Variants in SCAMP2 observed in about 807,000 individuals in gnomAD.
The protein encoded by SCAMP2 is secretory carrier membrane protein 2, also known as secretory carrier-associated membrane protein 2.
In SCAMP2, 25 loss-of-function variants were observed where a neutral mutation model predicts 44.1. That is an observed-to-expected ratio of 0.57 (90% CI 0.41 to 0.79). The LOEUF is 0.79. Among genes scored for constraint, SCAMP2 ranks in the 30% least tolerant of loss-of-function variants. The probability of loss-of-function intolerance (pLI) is 0.00; values close to 1 mark genes in which losing one functional copy is unlikely to be tolerated. For missense variants in SCAMP2, 355 were observed against 411.0 expected (o/e 0.86, Z 1.18); for synonymous variants, 156 against 166.0 (o/e 0.94, Z 0.46).
At chr15:74,847,461 G>T (rs1489128983) in intron 7 of SCAMP2, among the ~76,000 whole-genome samples, 1 of 152,194 alleles carries the variant, frequency 6.6e-6, no homozygotes, top group African/African-American at 2.4e-5. Context: ...TTCTACCAGG[G>T]TCTTACTTAG....
intron 1 of SCAMP2, among the ~76,000 whole-genome samples, chr15:74,869,763 G>C (rs1191026516): frequency 6.6e-6 from 1 of 152,120 alleles, no homozygotes; most frequent in Non-Finnish European, 1.5e-5. Context: ...CACCATTTCT[G>C]TCACTGCATG....
intron 4 of SCAMP2, chr15:74,851,816 C>G (rs768796226): frequency 2.2e-6 from 1 of 451,704 alleles, no homozygotes; most frequent in Non-Finnish European, 3.9e-6. Context: ...ACCAAAGCCC[C>G]TATGCTATCA....
chr15:74,870,861 C>CA (rs1368366018), intron 1 of SCAMP2, among the ~76,000 whole-genome samples: 1 of 152,216 alleles, frequency 6.6e-6, no homozygotes, highest in Non-Finnish European at 1.5e-5. Context: ...TGGGAAAACT[C>CA]ATGCTGTGAA....
intron 1 of SCAMP2, 106 bp downstream of exon 1, chr15:74,873,093 G>T: frequency 3.0e-6 from 3 of 1,006,394 alleles, no homozygotes; most frequent in South Asian, 4.2e-5. Context: ...TTGGGCAGAT[G>T]ACCCGTCCCT....
intron 1 of SCAMP2, among the ~76,000 whole-genome samples, chr15:74,871,342 A>T (rs2064573672): frequency 6.8e-6 from 1 of 147,946 alleles, no homozygotes. Flanking sequence ...TTGTAGTCCC[A>T]GCTACTCAGG....
intron 1 of SCAMP2, among the ~76,000 whole-genome samples, chr15:74,859,518 G>C (rs1596418733): frequency 6.6e-6 from 1 of 152,136 alleles, no homozygotes; most frequent in African/African-American, 2.4e-5. Context: ...TGCAAGGCAG[G>C]GGGGCACTTC....
intron 1 of SCAMP2, among the ~76,000 whole-genome samples, chr15:74,860,863 A>AAAC (rs1243984644): frequency 6.6e-6 from 1 of 150,488 alleles, no homozygotes; most frequent in Non-Finnish European, 1.5e-5. Flanking sequence ...TCAAAAAAAT[A>AAAC]AACAATAATA....
rs976701159 is a variant in SCAMP2 at position 74,843,848 on chromosome 15, T to C, written c.*1235A>G. ...TTCATAAAACCCCAGCCGCTGCCAGTATCATTCAGTGGCTGGGGCCTGCGG... is the reference window on the plus strand; with the variant it reads ...TTCATAAAACCCCAGCCGCTGCCAGCATCATTCAGTGGCTGGGGCCTGCGG... On this transcript the variant is annotated 3_prime_UTR_variant, in exon 9 of 9. Transcript: ENST00000268099. 6.6e-6 allele frequency: 1 copy of C among 152,082 alleles called. No homozygotes were observed. Among genetic ancestry groups the C allele is most frequent in the African/African-American group, 2.4e-5 (1 of 41,404 alleles). The allele number at this position is 152,082 out of a possible 1,614,324, so 9.4% of individuals were successfully genotyped here.
chr15:74,864,811 G>T (rs2064531282), intron 1 of SCAMP2, among the ~76,000 whole-genome samples: 1 of 152,160 alleles, frequency 6.6e-6, no homozygotes, highest in Non-Finnish European at 1.5e-5. Context: ...TTGAGGCCAG[G>T]CACAGTGGCT....
chr15:74,863,055 G>A (rs779439301), intron 1 of SCAMP2, among the ~76,000 whole-genome samples: 8 of 150,868 alleles, frequency 5.3e-5, no homozygotes, highest in African/African-American at 9.8e-5. Flanking sequence ...CAGAGAATAC[G>A]AAAATTAGGC....
At chr15:74,864,375 A>G (rs1439057250) in intron 1 of SCAMP2, among the ~76,000 whole-genome samples, 2 of 152,142 alleles carry the variant, frequency 1.3e-5, no homozygotes, top group Non-Finnish European at 2.9e-5. Flanking sequence ...ATCTTTAAAA[A>G]GAGCTTGCAT....
chr15:74,856,448 T>C (rs927120380), intron 1 of SCAMP2, among the ~76,000 whole-genome samples: 1 of 151,484 alleles, frequency 6.6e-6, no homozygotes, highest in South Asian at 2.1e-4. Flanking sequence ...CTAATTTTTA[T>C]ATTTTTAGTA....
At chr15:74,854,738 G>A in intron 1 of SCAMP2, 89 bp from the exon 2 acceptor site, 2 of 1,198,444 alleles carry the variant, frequency 1.7e-6, no homozygotes, top group Non-Finnish European at 2.4e-6. Context: ...GACTGAAGCA[G>A]GGCAGCTGAT....
At chr15:74,848,822 TCCAGGGGC>T in intron 6 of SCAMP2, 121 bp from the exon 7 acceptor site, 1 of 663,162 alleles carries the variant, frequency 1.5e-6, no homozygotes, top group Non-Finnish European at 2.6e-6. Flanking sequence ...GAGACAGAGC[TCCAGGGGC>T]CCAGCCATAC....
At chr15:74,856,138 C>G (rs1352145980) in intron 1 of SCAMP2, among the ~76,000 whole-genome samples, 1 of 152,072 alleles carries the variant, frequency 6.6e-6, no homozygotes, top group East Asian at 1.9e-4. Context: ...AAATTCAGGG[C>G]TGTTCCTGCC....
intron 1 of SCAMP2, among the ~76,000 whole-genome samples, chr15:74,864,677 G>A (rs1388568435): frequency 1.3e-5 from 2 of 152,158 alleles, no homozygotes; most frequent in African/African-American, 4.8e-5. Flanking sequence ...GCTGGGGATG[G>A]AGAAGAGGAA....
At chr15:74,847,527 G>C (rs2064408015) in intron 7 of SCAMP2, among the ~76,000 whole-genome samples, 1 of 152,208 alleles carries the variant, frequency 6.6e-6, no homozygotes, top group South Asian at 2.1e-4. Context: ...AACAACAGCA[G>C]GGCAAGAAGC....
intron 1 of SCAMP2, among the ~76,000 whole-genome samples, chr15:74,861,208 A>G (rs1278941491): frequency 6.6e-6 from 1 of 152,170 alleles, no homozygotes; most frequent in Admixed American, 6.5e-5. Flanking sequence ...ATTTTAAAAC[A>G]TTAAAAATTC....
chr15:74,854,208 C>T, intron 2 of SCAMP2, 89 bp from the exon 3 acceptor site: 1 of 1,178,080 alleles, frequency 8.5e-7, no homozygotes, highest in Non-Finnish European at 1.3e-6. Flanking sequence ...GAGTGATGTG[C>T]CCCTGCCTGT....
Sources: gnomAD v4.1 joint callset for allele counts (sites outside exome capture counted in the v4.1 genomes callset) on GRCh38, gnomAD v4.1.1 for gene constraint, MANE v1.5 for transcripts, NCBI Gene and HGNC (gene_info 2026-07-23, HGNC 2026-07-21) for gene names.